Variants in KCNQ1 observed in about 807,000 individuals in gnomAD.
KCNQ1 encodes potassium voltage-gated channel subfamily Q member 1, also known as potassium voltage-gated channel subfamily KQT member 1.
KCNQ1 carries 49 observed loss-of-function variants against 72.4 expected under a neutral mutation model. The observed-to-expected ratio is 0.68, with a 90% CI of 0.54 to 0.86. KCNQ1 has a LOEUF of 0.86. Among genes scored for constraint, KCNQ1 ranks in the 40% least tolerant of loss-of-function variants. The pLI, the probability that KCNQ1 is intolerant of heterozygous loss-of-function variation, is 0.00. For synonymous variants in KCNQ1, 450 were observed against 412.6 expected (o/e 1.09, Z -1.10); for missense variants, 790 against 945.1 (o/e 0.84, Z 2.15).
At chr11:2,786,451 G>C (rs1846915371) in intron 15 of KCNQ1, among the ~76,000 whole-genome samples, 1 of 151,982 alleles carries the variant, frequency 6.6e-6, no homozygotes, top group South Asian at 2.1e-4. Context: ...TCAGTGGTTT[G>C]GTGTCTTTCA....
chr11:2,821,675 C>T (rs1199247430), intron 15 of KCNQ1, among the ~76,000 whole-genome samples: 3 of 152,162 alleles, frequency 2.0e-5, no homozygotes, highest in Admixed American at 2.0e-4. Context: ...CCCTCCCAGC[C>T]ATTTGAGGTC....
rs1367488887 is a variant in KCNQ1, at chr11:2,527,817, G to C, written c.387-111G>C. On this transcript the variant is annotated intron_variant, in intron 1 of 15. Transcript: ENST00000155840. The stretch of plus-strand genomic sequence containing the variant: ...TGGATGACTGGGTTTTCGAAGCACT[G>C]TCTGTTCCTACCTGGGGGCGGGGCT... 7 of 894,584 alleles carry C rather than the reference G, an allele frequency of 7.8e-6. No homozygotes were observed. The Admixed American group carries it at 1.3e-4, about 16-fold the overall frequency. The allele number at this position is 894,584 out of a possible 1,614,324, so 55.4% of individuals were successfully genotyped here. A position where few individuals can be genotyped will look rare whatever the true frequency, so the allele number is the denominator to read the frequency against.
In KCNQ1 at chr11:2,645,212, A is replaced by C; in HGVS notation, c.1394-16749A>C. On this transcript the variant is annotated intron_variant, in intron 10 of 15. Coordinates refer to ENST00000155840, the MANE Select transcript of KCNQ1 (RefSeq NM_000218.3). The surrounding 1 kb of genome is among the most constrained non-coding windows in gnomAD (Gnocchi z 5.8). ...GGGATAAGCTGGATGAGCTTGTCCC[A>C]AGGCCCACAGGTGGCAAATTCAAGT... is the stretch of plus-strand genomic sequence containing the variant. 1.0e-5 allele frequency: 4 copies of C among 398,712 alleles called. No individual in the cohort carries two copies. The highest frequency in any genetic ancestry group is 1.8e-5 in the Non-Finnish European group (4 of 226,136). The allele number at this position is 398,712 out of a possible 1,614,324, so 24.7% of individuals were successfully genotyped here. A position where few individuals can be genotyped will look rare whatever the true frequency, so the allele number is the denominator to read the frequency against.
intron 1 of KCNQ1, among the ~76,000 whole-genome samples, chr11:2,510,335 C>T (rs186062395): frequency 2.0e-5 from 3 of 152,034 alleles, no homozygotes; most frequent in East Asian, 3.9e-4. Context: ...TGTTAGCTCA[C>T]GCCTGCAATC....
chr11:2,626,453 T>G lies in KCNQ1; in HGVS notation c.1394-35508T>G, dbSNP rs1354350040. The G allele has an allele frequency of 5.0e-6, 2 of 398,554 alleles. No individual in the cohort carries two copies. The highest frequency in any genetic ancestry group is 8.8e-6 in the Non-Finnish European group (2 of 226,090). 24.7% of individuals were successfully genotyped at this position (398,554 alleles called of 1,614,324 possible). ...TATACAAGGGTTTATTTTTGGGCTC[T>G]CTATTCAATTCCATTGGTCTCTACA... On this transcript the variant is annotated intron_variant, in intron 10 of 15. Transcript: ENST00000155840. The surrounding 1 kb of genome is among the most constrained non-coding windows in gnomAD (Gnocchi z 4.0).
At chr11:2,628,601 T>C (rs568898150) in intron 10 of KCNQ1, 9 of 398,320 alleles carry the variant, frequency 2.3e-5, no homozygotes, top group Non-Finnish European at 3.1e-5. Context: ...TGCCTTTTCA[T>C]TTTGTTGTTT....
Position 2,715,768 on chromosome 11 carries a change from C to T in KCNQ1, c.1515-53076C>T, listed in dbSNP as rs1368641079. Among the ~76,000 whole-genome samples the T allele has an allele frequency of 6.6e-6, 1 of 152,240 alleles. No homozygotes were observed. Among genetic ancestry groups the T allele is most frequent in the East Asian group, 1.9e-4 (1 of 5,190 alleles). ...TCTGGCCACATTCCAGCTGGCCCTGCCTGTGAGGGTTGACCAGCTGGAGCA... is the reference window on the plus strand; with the variant it reads ...TCTGGCCACATTCCAGCTGGCCCTGTCTGTGAGGGTTGACCAGCTGGAGCA... On this transcript the variant is annotated intron_variant, in intron 11 of 15. Coordinates refer to ENST00000155840, the MANE Select transcript of KCNQ1 (RefSeq NM_000218.3). This position sits in a 1 kb window ranked among gnomAD's most constrained non-coding sequence, Gnocchi z 4.9.
chr11:2,831,701 T>C (rs1847954589), intron 15 of KCNQ1, among the ~76,000 whole-genome samples: 1 of 124,614 alleles, frequency 8.0e-6, no homozygotes. Flanking sequence ...AGCACCCTTC[T>C]CCCCGCTGCC....
intron 11 of KCNQ1, chr11:2,692,086 C>T: frequency 1.5e-5 from 6 of 398,772 alleles, no homozygotes; most frequent in Non-Finnish European, 2.7e-5. Flanking sequence ...AGTCACCTGC[C>T]CCCACCTCCT....
At position 2,687,750 on chromosome 11, in the gene KCNQ1, GAGA is replaced by G. The variant is rs1187999803; in HGVS notation, c.1514+25673_1514+25675del. 117 of 398,614 alleles carry G rather than the reference GAGA, an allele frequency of 2.9e-4. No individual in the cohort carries two copies. The highest frequency in any genetic ancestry group is 2.2e-4 in the Admixed American group (5 of 22,718). The allele number at this position is 398,614 out of a possible 1,614,324, so 24.7% of individuals were successfully genotyped here. A position where few individuals can be genotyped will look rare whatever the true frequency, so the allele number is the denominator to read the frequency against. On this transcript the variant is annotated intron_variant, in intron 11 of 15. Transcript: ENST00000155840. This position sits in a 1 kb window ranked among gnomAD's most constrained non-coding sequence, Gnocchi z 5.0. ...GTAACCAGCAAATCATGGGGAGACT[GAGA>G]AGAGGAGCCCCTTAGCAGGCCTAAC...
chr11:2,641,630 T>A, intron 10 of KCNQ1: 1 of 398,468 alleles, frequency 2.5e-6, no homozygotes, highest in Non-Finnish European at 4.4e-6. Context: ...TGTACAAGCT[T>A]TATCATTTAA....
chr11:2,511,947 G>A (rs974619206), intron 1 of KCNQ1, among the ~76,000 whole-genome samples: 1 of 152,240 alleles, frequency 6.6e-6, no homozygotes, highest in African/African-American at 2.4e-5. Context: ...GGCATGGACA[G>A]GGCATGAGGA....
chr11:2,627,120 T>C lies in KCNQ1; in HGVS notation c.1394-34841T>C. The C allele has an allele frequency of 2.5e-6, 1 of 398,590 alleles. No individual in the cohort carries two copies. Among genetic ancestry groups the C allele is most frequent in the Non-Finnish European group, 4.4e-6 (1 of 226,048 alleles). 24.7% of individuals were successfully genotyped at this position (398,590 alleles called of 1,614,324 possible). ...CAGCATTGTTTTGTAATTTTCATTG[T>C]ACAAGACTTTCACCTCCTTGGTAAA... On this transcript the variant is annotated intron_variant, in intron 10 of 15. Coordinates refer to ENST00000155840, the MANE Select transcript of KCNQ1 (RefSeq NM_000218.3). The surrounding 1 kb of genome is among the most constrained non-coding windows in gnomAD (Gnocchi z 4.9).
In KCNQ1 at chr11:2,593,860, A is replaced by T. The variant is rs146286742; in HGVS notation, c.1393+5006A>T. 2.0e-3 allele frequency among the ~76,000 whole-genome samples: 302 copies of T among 152,294 alleles called. No individual in the cohort carries two copies. The highest frequency in any genetic ancestry group is 6.8e-3 in the African/African-American group (284 of 41,562). On this transcript the variant is annotated intron_variant, in intron 10 of 15. Coordinates refer to ENST00000155840, the MANE Select transcript of KCNQ1 (RefSeq NM_000218.3). This position sits in a 1 kb window ranked among gnomAD's most constrained non-coding sequence, Gnocchi z 6.9. ...TGATTGTGCACTTTTGGTGGCTGCC[A>T]CAGGATTAAATCCTGAATGCTTTGC...
At chr11:2,801,873 G>A (rs1485590397) in intron 15 of KCNQ1, among the ~76,000 whole-genome samples, 4 of 152,238 alleles carry the variant, frequency 2.6e-5, no homozygotes, top group Non-Finnish European at 4.4e-5. Flanking sequence ...TGTCCCCGCA[G>A]CCCCTGGGTT....
At chr11:2,586,857 G>A (rs1848599456) in intron 8 of KCNQ1, among the ~76,000 whole-genome samples, 1 of 152,222 alleles carries the variant, frequency 6.6e-6, no homozygotes, top group African/African-American at 2.4e-5. Context: ...AAGGCCACCA[G>A]GACATGTCCT....
chr11:2,455,735 A>G (rs1024010389), intron 1 of KCNQ1, among the ~76,000 whole-genome samples: 1 of 152,210 alleles, frequency 6.6e-6, no homozygotes, highest in Admixed American at 6.5e-5. Flanking sequence ...TGTAGAACCA[A>G]AAAAGAGCCG....
At chr11:2,557,756 T>A (rs948553319) in intron 2 of KCNQ1, among the ~76,000 whole-genome samples, 1 of 152,246 alleles carries the variant, frequency 6.6e-6, no homozygotes, top group African/African-American at 2.4e-5. Flanking sequence ...GAGAGCCACC[T>A]GGCTGTATTC....
chr11:2,619,076 C>CA (rs1201794834), intron 10 of KCNQ1: 1 of 398,418 alleles, frequency 2.5e-6, no homozygotes, highest in Non-Finnish European at 4.4e-6. Context: ...GTTGCTTTGT[C>CA]AGAGTCTTCG....
Sources: gnomAD v4.1 joint callset for allele counts (sites outside exome capture counted in the v4.1 genomes callset) on GRCh38, gnomAD v4.1.1 for gene constraint, Gnocchi (gnomAD v3.1) non-coding constraint, MANE v1.5 for transcripts, NCBI Gene and HGNC (gene_info 2026-07-23, HGNC 2026-07-21) for gene names.